TRPS1: variants seen among roughly 807,000 people sequenced by gnomAD.
TRPS1 encodes transcriptional repressor GATA binding 1.
A neutral mutation model predicts 101.2 loss-of-function variants in TRPS1; 6 were observed. That is an observed-to-expected ratio of 0.06 (90% CI 0.03 to 0.12). The LOEUF is 0.12. TRPS1 is among the 10% of genes least tolerant of loss of function. TRPS1 has a pLI of 1.00. For synonymous variants in TRPS1, 578 were observed against 589.8 expected (o/e 0.98, Z 0.29); for missense variants, 1,363 against 1,567.0 (o/e 0.87, Z 2.20).
chr8:115,594,077 T>C (rs1274035604), intron 4 of TRPS1, among the ~76,000 whole-genome samples: 3 of 152,092 alleles, frequency 2.0e-5, no homozygotes, highest in African/African-American at 7.2e-5. Context: ...GGATTTAATA[T>C]GTAGGGTCAC....
chr8:115,429,472 T>G (rs919183365), intron 5 of TRPS1, among the ~76,000 whole-genome samples: 1 of 152,172 alleles, frequency 6.6e-6, no homozygotes, highest in Non-Finnish European at 1.5e-5. Context: ...CGCACCCGGC[T>G]CTCTCTGTGA....
chr8:115,454,488 A>G (rs529497263), intron 5 of TRPS1, among the ~76,000 whole-genome samples: 5 of 152,320 alleles, frequency 3.3e-5, no homozygotes, highest in African/African-American at 1.2e-4. Context: ...CACTACTGCA[A>G]TGATAGAATG....
chr8:115,495,350 T>C (rs1416591525), intron 5 of TRPS1, among the ~76,000 whole-genome samples: 1 of 151,950 alleles, frequency 6.6e-6, no homozygotes, highest in Non-Finnish European at 1.5e-5. Flanking sequence ...TGTTGTTCAA[T>C]TGCTCCCAAG....
rs1489331857 is a variant in TRPS1 at position 115,623,616 on chromosome 8, C to A, written c.22G>T (p.Gly8Trp). 1 of 1,611,098 alleles carries A rather than the reference C, an allele frequency of 6.2e-7. No individual in the cohort carries two copies. Among genetic ancestry groups the A allele is most frequent in the East Asian group, 2.2e-5 (1 of 44,702 alleles). MPYEVNA[G>W]YDFTNMVRKK... Reference sequence around the variant, plus strand: ...GATCACATACTTGTAAAATCATACCCAGCATTGACTTCATAAGGCATGTGG... The same window carrying A: ...GATCACATACTTGTAAAATCATACCAAGCATTGACTTCATAAGGCATGTGG... Residue 8 changes from glycine (G) to tryptophan (W), a missense_variant, in exon 2 of 7, where the codon GGG becomes TGG. Around this residue, in one of 5 missense-constraint regions of TRPS1, gnomAD observed 1,020 missense variants for 1,073.0 expected, o/e 0.95. Transcript: ENST00000395715.
chr8:115,493,955 A>G (rs974658616), intron 5 of TRPS1, among the ~76,000 whole-genome samples: 5 of 152,242 alleles, frequency 3.3e-5, no homozygotes, highest in Non-Finnish European at 7.3e-5. Context: ...CATAAAAAAT[A>G]TATTCCACAT....
chr8:115,621,712 C>G (rs1818396634), intron 2 of TRPS1, among the ~76,000 whole-genome samples: 1 of 151,964 alleles, frequency 6.6e-6, no homozygotes, highest in South Asian at 2.1e-4. Context: ...GTCAGGAGTT[C>G]AAGACCAGCT....
intron 1 of TRPS1, among the ~76,000 whole-genome samples, chr8:115,653,648 T>G (rs1811612937): frequency 6.6e-6 from 1 of 151,854 alleles, no homozygotes; most frequent in Non-Finnish European, 1.5e-5. Flanking sequence ...GAAAGAAACA[T>G]TAAAGAAACA....
chr8:115,648,596 G>A (rs1162955686), intron 1 of TRPS1, among the ~76,000 whole-genome samples: 3 of 152,120 alleles, frequency 2.0e-5, no homozygotes, highest in African/African-American at 7.2e-5. Flanking sequence ...AAAAGAAAAT[G>A]GAATGCTATT....
At position 115,411,003 on chromosome 8, in the gene TRPS1, G is replaced by A. The variant is rs1168484681; in HGVS notation, c.*3020C>T. ...ATAAATTTTATAATATATCTTGAGA[G>A]ATGGAATAAAGGCTTTAATATGTCA... is the stretch of plus-strand genomic sequence containing the variant. On this transcript the variant is annotated 3_prime_UTR_variant, in exon 7 of 7. Transcript: ENST00000395715. 6.6e-6 allele frequency: 1 copy of A among 151,608 alleles called. No homozygotes were observed. The highest frequency in any genetic ancestry group is 1.5e-5 in the Non-Finnish European group (1 of 67,892). 9.4% of individuals were successfully genotyped at this position (151,608 alleles called of 1,614,324 possible). A position where few individuals can be genotyped will look rare whatever the true frequency, so the allele number is the denominator to read the frequency against.
At chr8:115,431,829 CTT>C (rs1195868467) in intron 5 of TRPS1, among the ~76,000 whole-genome samples, 3 of 151,810 alleles carry the variant, frequency 2.0e-5, no homozygotes, top group African/African-American at 4.8e-5. Context: ...GACATAGAAA[CTT>C]TGCTAATTTT....
chr8:115,421,395 G>A (rs1281504939), intron 5 of TRPS1, among the ~76,000 whole-genome samples: 2 of 152,142 alleles, frequency 1.3e-5, no homozygotes, highest in Admixed American at 6.6e-5. Context: ...TTTTGTATGA[G>A]AAAAATATTT....
chr8:115,589,423 C>G (rs1258594781), intron 4 of TRPS1, among the ~76,000 whole-genome samples: 1 of 152,074 alleles, frequency 6.6e-6, no homozygotes, highest in Non-Finnish European at 1.5e-5. Flanking sequence ...AGGTATAAAA[C>G]ATGAAACAAA....
intron 1 of TRPS1, among the ~76,000 whole-genome samples, chr8:115,658,105 A>AATTTTCT (rs1167781116): frequency 1.3e-5 from 2 of 152,128 alleles, no homozygotes; most frequent in Non-Finnish European, 2.9e-5. Flanking sequence ...GTCTCAGCAT[A>AATTTTCT]ATTTTCTTTA....
At chr8:115,580,179 T>TTG (rs1197113991) in intron 5 of TRPS1, among the ~76,000 whole-genome samples, 1 of 150,724 alleles carries the variant, frequency 6.6e-6, no homozygotes, top group Non-Finnish European at 1.5e-5. Context: ...ATCAATGCCT[T>TTG]TGCTTACAAA....
chr8:115,565,513 A>T (rs1817048331), intron 5 of TRPS1, among the ~76,000 whole-genome samples: 1 of 151,860 alleles, frequency 6.6e-6, no homozygotes. Context: ...CTTTATTACT[A>T]AACATACTGG....
At chr8:115,535,513 T>TATATATAGCGC (rs1228317369) in intron 5 of TRPS1, among the ~76,000 whole-genome samples, 1 of 148,152 alleles carries the variant, frequency 6.7e-6, no homozygotes, top group South Asian at 2.1e-4. Context: ...ATATAGCGCA[T>TATATATAGCGC]ATATATAGCG....
rs140275554 is a variant in TRPS1 at position 115,460,263 on chromosome 8, T to A, written c.2701-41811A>T. On this transcript the variant is annotated intron_variant, in intron 5 of 6. Coordinates refer to ENST00000395715, the MANE Select transcript of TRPS1 (RefSeq NM_014112.5). The stretch of plus-strand genomic sequence containing the variant: ...CCCAGATTGCAGACTGAAAAAGTTT[T>A]CTTTTTCTGAAATGTTAGTATTTTA... Among the ~76,000 whole-genome samples, 361 of 152,144 alleles carry A rather than the reference T, an allele frequency of 2.4e-3. 4 individuals are homozygous for A. The highest frequency in any genetic ancestry group is 8.3e-3 in the African/African-American group (345 of 41,534).
chr8:115,523,603 A>G (rs1586362043), intron 5 of TRPS1, among the ~76,000 whole-genome samples: 3 of 152,182 alleles, frequency 2.0e-5, no homozygotes, highest in Admixed American at 2.0e-4. Context: ...TTGCATTTAA[A>G]AGACTGCTGA....
chr8:115,535,522 C>A (rs543256338), intron 5 of TRPS1, among the ~76,000 whole-genome samples: 1 of 147,520 alleles, frequency 6.8e-6, no homozygotes, highest in Admixed American at 6.8e-5. Flanking sequence ...ATATATATAG[C>A]GCATATATAG....
Sources: gnomAD v4.1 joint callset for allele counts (sites outside exome capture counted in the v4.1 genomes callset) on GRCh38, gnomAD v4.1.1 for gene constraint, gnomAD v4.1.1 regional missense constraint, MANE v1.5 for transcripts, NCBI Gene and HGNC (gene_info 2026-07-23, HGNC 2026-07-21) for gene names.